Variants in TENM3 observed in about 807,000 individuals in gnomAD.
TENM3 encodes the protein teneurin-3.
A neutral mutation model predicts 255.1 loss-of-function variants in TENM3; 63 were observed. The observed-to-expected ratio is 0.25, with a 90% CI of 0.20 to 0.30. The LOEUF is 0.30. Among genes scored for constraint, TENM3 ranks in the 10% least tolerant of loss-of-function variants. TENM3 has a pLI of 1.00. For missense variants in TENM3, 2,929 were observed against 3,461.1 expected, an observed-to-expected ratio of 0.85 and a Z score of 3.86; for synonymous variants, 1,306 against 1,322.3, an observed-to-expected ratio of 0.99 and a Z score of 0.27.
At chr4:182,278,191 AC>A (rs1760131250) in intron 1 of TENM3, among the ~76,000 whole-genome samples, 3 of 152,216 alleles carry the variant, frequency 2.0e-5, no homozygotes, top group Admixed American at 2.0e-4. Context: ...ACATGGAGGA[AC>A]CCTGTCTCTA....
At chr4:182,487,546 A>G (rs979391133) in intron 3 of TENM3, among the ~76,000 whole-genome samples, 10 of 152,082 alleles carry the variant, frequency 6.6e-5, no homozygotes, top group Non-Finnish European at 1.3e-4. Context: ...CACTGAAAAT[A>G]ATTTTGATGG....
At chr4:182,188,270 A>G (rs1224701264) in intron 1 of TENM3, among the ~76,000 whole-genome samples, 2 of 152,148 alleles carry the variant, frequency 1.3e-5, no homozygotes, top group African/African-American at 4.8e-5. Context: ...TGACCTTAGT[A>G]AGTCACTTAA....
chr4:182,026,513 G>T, the TENM3 span, among the ~76,000 whole-genome samples: 4 of 152,124 alleles, frequency 2.6e-5, no homozygotes, highest in Non-Finnish European at 5.9e-5. Context: ...TGCTCGTGGG[G>T]TATTACCCAA....
intron 18 of TENM3, among the ~76,000 whole-genome samples, chr4:182,740,310 G>A (rs138740046): frequency 4.0e-4 from 61 of 152,304 alleles, no homozygotes; most frequent in African/African-American, 1.2e-3. Flanking sequence ...GGGGACTCCA[G>A]TGTTCTCTCA....
At chr4:181,537,135 A>C in the TENM3 span, among the ~76,000 whole-genome samples, 1 of 152,200 alleles carries the variant, frequency 6.6e-6, no homozygotes, top group Admixed American at 6.5e-5. Context: ...AAAAAAAGAA[A>C]AATGACCTTT....
At chr4:181,968,962 GTCTCTCTCTCTCTCTC>G in the TENM3 span, among the ~76,000 whole-genome samples, 1 of 144,528 alleles carries the variant, frequency 6.9e-6, no homozygotes, top group South Asian at 2.3e-4. Flanking sequence ...TACCTCTCTT[GTCTCTCTCTCTCTCTC>G]TCTCTCTCTC....
At chr4:181,697,536 G>T in the TENM3 span, among the ~76,000 whole-genome samples, 1 of 152,104 alleles carries the variant, frequency 6.6e-6, no homozygotes, top group Non-Finnish European at 1.5e-5. Flanking sequence ...TGGGACTACA[G>T]GCACCCACTA....
intron 3 of TENM3, among the ~76,000 whole-genome samples, chr4:182,545,221 A>C (rs1334812083): frequency 1.3e-5 from 2 of 152,136 alleles, no homozygotes; most frequent in Non-Finnish European, 2.9e-5. Context: ...ACAACATACC[A>C]GTGTATTTAC....
At chr4:182,240,000 GA>G (rs570043042), upstream of TENM3, among the ~76,000 whole-genome samples, 563 of 152,038 alleles carry the variant, frequency 3.7e-3, 1 homozygote, top group African/African-American at 0.013. Context: ...AAATGGCTGG[GA>G]AAAAAACAAT....
chr4:182,546,272 A>T (rs778275001), intron 3 of TENM3, among the ~76,000 whole-genome samples: 1 of 152,146 alleles, frequency 6.6e-6, no homozygotes, highest in Non-Finnish European at 1.5e-5. Context: ...GACCAGCTGT[A>T]TTATTACTTT....
the TENM3 span, among the ~76,000 whole-genome samples, chr4:181,946,116 A>G: frequency 1.3e-5 from 2 of 151,970 alleles, no homozygotes; most frequent in Non-Finnish European, 2.9e-5. Context: ...GGTTGTTTTT[A>G]TTTTTCACCA....
the TENM3 span, among the ~76,000 whole-genome samples, chr4:181,732,014 G>T: frequency 1.3e-5 from 2 of 152,084 alleles, no homozygotes; most frequent in Non-Finnish European, 2.9e-5. Context: ...ATCCTCAAAT[G>T]CAAAAGGAAT....
the TENM3 span, among the ~76,000 whole-genome samples, chr4:181,901,209 C>T: frequency 6.6e-6 from 1 of 152,182 alleles, no homozygotes; most frequent in Admixed American, 6.5e-5. Flanking sequence ...GCCTGTCTGT[C>T]ATGATGAATC....
chr4:181,886,969 G>A, the TENM3 span, among the ~76,000 whole-genome samples: 113 of 152,044 alleles, frequency 7.4e-4, 1 homozygote, highest in South Asian at 2.1e-4. Flanking sequence ...ATAAAATCTG[G>A]GAGCTAGAGA....
In TENM3 at chr4:182,555,931, AAG is replaced by A. The variant is rs1203771615; in HGVS notation, c.512-44990_512-44989del. ...TACTTTTTTTATTCTACAAACACTG[AAG>A]AGTTTCTCTAAAAGAATAACTTCCC... On this transcript the variant is annotated intron_variant, in intron 3 of 27. Transcript: ENST00000511685. 3.3e-5 allele frequency among the ~76,000 whole-genome samples: 5 copies of A among 152,130 alleles called. No individual in the cohort carries two copies. The East Asian group carries it at 9.7e-4, about 29-fold the overall frequency.
chr4:181,686,277 C>G, the TENM3 span, among the ~76,000 whole-genome samples: 1 of 152,152 alleles, frequency 6.6e-6, no homozygotes, highest in African/African-American at 2.4e-5. Context: ...TCACTCTACA[C>G]TTTTGAGATG....
the TENM3 span, among the ~76,000 whole-genome samples, chr4:181,959,047 T>C: frequency 1.3e-5 from 2 of 152,168 alleles, no homozygotes; most frequent in African/African-American, 4.8e-5. Flanking sequence ...TTTGTTGTTG[T>C]TGTTTGTTTG....
the TENM3 span, among the ~76,000 whole-genome samples, chr4:181,715,486 A>G: frequency 7.9e-5 from 12 of 152,328 alleles, no homozygotes; most frequent in Admixed American, 7.8e-4. Context: ...AATAGTTTAT[A>G]AATATTATAC....
intron 1 of TENM3, among the ~76,000 whole-genome samples, chr4:182,314,850 C>T (rs1488145279): frequency 6.6e-6 from 1 of 152,042 alleles, no homozygotes; most frequent in Non-Finnish European, 1.5e-5. Flanking sequence ...TTCAACTTTC[C>T]CCTTTTACTA....
Sources: gnomAD v4.1 joint callset for allele counts (sites outside exome capture counted in the v4.1 genomes callset) on GRCh38, gnomAD v4.1.1 for gene constraint, MANE v1.5 for transcripts, NCBI Gene and HGNC (gene_info 2026-07-23, HGNC 2026-07-21) for gene names.